The following PAXIP1 variants were observed in gnomAD, a reference collection of about 807,000 sequenced individuals.
PAXIP1 encodes PAX interacting protein 1, also known as PAX-interacting protein 1.
In PAXIP1, 19 loss-of-function variants were observed where a neutral mutation model predicts 140.6. The observed-to-expected ratio is 0.14, with a 90% CI of 0.09 to 0.20. The LOEUF is 0.20. Ranked by LOEUF, PAXIP1 falls within the 10% of genes least tolerant of loss-of-function variation. The pLI, the probability that PAXIP1 is intolerant of heterozygous loss-of-function variation, is 1.00. For missense variants in PAXIP1, 920 were observed against 1,208.6 expected (o/e 0.76, Z 3.54); for synonymous variants, 442 against 444.6 (o/e 0.99, Z 0.07).
At chr7:154,969,578 C>T (rs1344563240) in intron 6 of PAXIP1, among the ~76,000 whole-genome samples, 2 of 152,230 alleles carry the variant, frequency 1.3e-5, no homozygotes, top group African/African-American at 4.8e-5. Context: ...GTGGTGAAGG[C>T]ATCTGGTAAT....
rs376636862 is a variant in PAXIP1, at chr7:154,962,279, G to A, written c.2127+42C>T. 7.2e-5 allele frequency: 115 copies of A among 1,605,282 alleles called. 1 individual carries two copies. Among genetic ancestry groups the A allele is most frequent in the South Asian group, 2.7e-4 (24 of 90,554 alleles). ...TAGCAAGTGATTATTCGCCAAAGTC[G>A]AAGGATGATTTAACAAATGGAACGC... On this transcript the variant is annotated intron_variant, in intron 10 of 20. Transcript: ENST00000404141.
chr7:154,983,423 G>T, intron 4 of PAXIP1, 91 bp from the exon 5 acceptor site: 2 of 655,908 alleles, frequency 3.0e-6, no homozygotes. Context: ...CAACAATTCT[G>T]TTTCTCCCTT....
At position 154,943,789 on chromosome 7, in the gene PAXIP1, A is replaced by G. The variant is rs1807799911; in HGVS notation, c.*360T>C. The G allele has an allele frequency of 4.6e-6, 1 of 217,146 alleles. No individual in the cohort carries two copies. The highest frequency in any genetic ancestry group is 7.7e-5 in the South Asian group (1 of 13,054). The allele number at this position is 217,146 out of a possible 1,614,324, so 13.5% of individuals were successfully genotyped here. ...AATAATCAAAGTACAAAACATTTCA[A>G]ATCTTTAACATCCATAATTTAGAGA... On this transcript the variant is annotated 3_prime_UTR_variant, in exon 21 of 21. Coordinates refer to ENST00000404141, the MANE Select transcript of PAXIP1 (RefSeq NM_007349.4).
intron 2 of PAXIP1, 74 bp from the exon 3 acceptor site, chr7:154,993,843 T>C: frequency 8.9e-7 from 1 of 1,123,480 alleles, no homozygotes; most frequent in Non-Finnish European, 1.3e-6. Flanking sequence ...GTGTTGTTCT[T>C]AGAAATTAAA....
At chr7:154,972,794 G>A (rs977878018) in intron 6 of PAXIP1, among the ~76,000 whole-genome samples, 2 of 152,150 alleles carry the variant, frequency 1.3e-5, no homozygotes, top group African/African-American at 4.8e-5. Flanking sequence ...GCCAGGACTG[G>A]GTCACCTTCT....
In PAXIP1 at chr7:154,960,003, T is replaced by C. The variant is rs1323344686; in HGVS notation, c.2435-70A>G. ...AAATAAAAAGGCCTTTTTATAAAAG[T>C]CTTCCCTGATAATCCTCACCAGACA... On this transcript the variant is annotated intron_variant, in intron 12 of 20. Coordinates refer to ENST00000404141, the MANE Select transcript of PAXIP1 (RefSeq NM_007349.4). The C allele has an allele frequency of 4.2e-6, 4 of 957,610 alleles. No individual in the cohort carries two copies. The East Asian group carries it at 9.6e-5, about 23-fold the overall frequency. The allele number at this position is 957,610 out of a possible 1,614,324, so 59.3% of individuals were successfully genotyped here.
chr7:154,961,645 T>A lies in PAXIP1; in HGVS notation c.2131A>T (p.Ile711Phe), dbSNP rs906874949. 1 of 1,586,832 alleles carries A rather than the reference T, an allele frequency of 6.3e-7. No individual in the cohort carries two copies. The highest frequency in any genetic ancestry group is 8.6e-7 in the Non-Finnish European group (1 of 1,167,760). ...CTATCAACAAATCCAGTCACAGAAA[T>A]AATCTAAGAAAAAAAGAGAAAATAA... ...PGGKPCSQHIISVTGFVDSDR... is the reference protein window; with the variant it reads ...PGGKPCSQHIFSVTGFVDSDR... The change falls in exon 11 of 21, where the codon ATT (isoleucine) becomes TTT (phenylalanine). Residue 711 changes from isoleucine (I) to phenylalanine (F), a missense_variant. Physicochemically the swap from Ile to Phe is conservative, Grantham distance 21. This residue lies in a region of PAXIP1 where 303 missense variants were observed against 517.9 expected (regional missense o/e 0.59). Coordinates refer to ENST00000404141, the MANE Select transcript of PAXIP1 (RefSeq NM_007349.4).
intron 4 of PAXIP1, among the ~76,000 whole-genome samples, chr7:154,985,650 A>G (rs1314174147): frequency 6.6e-6 from 1 of 152,254 alleles, no homozygotes; most frequent in Non-Finnish European, 1.5e-5. Flanking sequence ...GCAGAGGACT[A>G]GAATTTCAAG....
rs1177985654 is a variant in PAXIP1, at chr7:154,954,306, T to C, written c.2770A>G (p.Ile924Val). ...TCTTCCAGCCACTCTGGCGTCACTA[T>C]GTGCTTCACGACAGAAATCGCCGTC... ...FLTAISVVKHIVTPEWLEECF... is the reference protein window; with the variant it reads ...FLTAISVVKHVVTPEWLEECF... Residue 924 changes from isoleucine to valine, a missense_variant, in exon 16 of 21, where the codon ATA becomes GTA. Physicochemically the swap from Ile to Val is conservative, Grantham distance 29. This residue lies in a region of PAXIP1 where 303 missense variants were observed against 517.9 expected (regional missense o/e 0.59). Transcript: ENST00000404141. The surrounding 1 kb of genome is among the most constrained non-coding windows in gnomAD (Gnocchi z 5.1). The C allele has an allele frequency of 1.9e-6, 3 of 1,601,772 alleles. No homozygotes were observed. Among genetic ancestry groups the C allele is most frequent in the Non-Finnish European group, 2.6e-6 (3 of 1,171,416 alleles).
intron 5 of PAXIP1, 145 bp downstream of exon 5, chr7:154,983,074 G>T: frequency 2.0e-6 from 1 of 495,954 alleles, no homozygotes; most frequent in Non-Finnish European, 3.6e-6. Context: ...GTGGAATGAA[G>T]CTGGATATAA....
intron 16 of PAXIP1, chr7:154,949,048 A>G (rs1170813804): frequency 1.3e-5 from 2 of 152,190 alleles, no homozygotes; most frequent in East Asian, 3.8e-4. Flanking sequence ...TCCTATAAAT[A>G]TGCCTCATAT....
intron 2 of PAXIP1, among the ~76,000 whole-genome samples, chr7:154,995,749 C>A (rs983264124): frequency 2.6e-5 from 4 of 152,014 alleles, no homozygotes; most frequent in African/African-American, 9.7e-5. Flanking sequence ...ACTAGGGAGG[C>A]TGAGAGAGGA....
intron 1 of PAXIP1, chr7:155,000,193 C>A (rs1314569188): frequency 6.6e-6 from 1 of 152,158 alleles, no homozygotes; most frequent in African/African-American, 2.4e-5. Flanking sequence ...GCTAGACAAC[C>A]TTTTCAGAAT....
intron 16 of PAXIP1, 58 bp from the exon 17 acceptor site, chr7:154,948,061 G>T: frequency 8.6e-7 from 1 of 1,166,966 alleles, no homozygotes; most frequent in Non-Finnish European, 1.3e-6. Flanking sequence ...TGTGGCAAGT[G>T]TGACCCACAA....
chr7:154,975,488 T>C (rs1052437064), intron 6 of PAXIP1, among the ~76,000 whole-genome samples: 12 of 150,928 alleles, frequency 8.0e-5, no homozygotes, highest in Admixed American at 2.7e-4. Flanking sequence ...GCTGTTACCC[T>C]TTTTCAATGA....
chr7:154,982,445 T>G (rs11768708), intron 5 of PAXIP1, among the ~76,000 whole-genome samples: 35,782 of 152,032 alleles, frequency 0.24, 4,762 homozygotes, highest in Admixed American at 0.33. Flanking sequence ...CCACCTCCTG[T>G]GTTCAAGCGA....
chr7:154,996,731 C>A (rs1187796603), intron 2 of PAXIP1, among the ~76,000 whole-genome samples: 1 of 152,116 alleles, frequency 6.6e-6, no homozygotes. Context: ...CCTTTTATTT[C>A]GCCTTCACAT....
Position 154,946,476 on chromosome 7 carries a change from G to A in PAXIP1, c.3133+36C>T, listed in dbSNP as rs542075029. On this transcript the variant is annotated intron_variant, in intron 19 of 20. Coordinates refer to ENST00000404141, the MANE Select transcript of PAXIP1 (RefSeq NM_007349.4). This position sits in a 1 kb window ranked among gnomAD's most constrained non-coding sequence, Gnocchi z 4.9. ...TAGTTAGAGATCCACTGCTGTGCGT[G>A]CACACATACTCACACAGGTAAGCGG... The A allele has an allele frequency of 5.0e-6, 8 of 1,609,462 alleles. No homozygotes were observed. The highest frequency in any genetic ancestry group is 4.0e-5 in the African/African-American group (3 of 74,968).
chr7:155,003,333 A>T (rs1811027978), upstream of PAXIP1: 1 of 151,614 alleles, frequency 6.6e-6, no homozygotes, highest in Admixed American at 6.6e-5. Context: ...AGGGGAAACC[A>T]GCTCCCCCCT....
Sources: gnomAD v4.1 joint callset for allele counts (sites outside exome capture counted in the v4.1 genomes callset) on GRCh38, gnomAD v4.1.1 for gene constraint, gnomAD v4.1.1 regional missense constraint, Gnocchi (gnomAD v3.1) non-coding constraint, MANE v1.5 for transcripts, NCBI Gene and HGNC (gene_info 2026-07-23, HGNC 2026-07-21) for gene names.